Variants in ANK3 observed in about 807,000 individuals in gnomAD.
ANK3 encodes ankyrin-3.
ANK3 carries 57 observed loss-of-function variants against 370.9 expected under a neutral mutation model. That is an observed-to-expected ratio of 0.15 (90% CI 0.12 to 0.19). The LOEUF (loss-of-function observed/expected upper bound fraction) is 0.19, where lower values mean the gene tolerates loss of function less well. ANK3 is among the 10% of genes least tolerant of loss of function. The probability of loss-of-function intolerance (pLI) is 1.00; values close to 1 mark genes in which losing one functional copy is unlikely to be tolerated. For missense variants in ANK3, 4,439 were observed against 5,302.1 expected (o/e 0.84, Z 5.06); for synonymous variants, 1,929 against 1,946.3 (o/e 0.99, Z 0.23).
chr10:60,113,480 G>A (rs978320105), intron 26 of ANK3, among the ~76,000 whole-genome samples: 4 of 152,136 alleles, frequency 2.6e-5, no homozygotes, highest in Admixed American at 2.0e-4. Context: ...AGGCAAAGGC[G>A]GGCAGATTGC....
At chr10:60,424,138 C>T (rs192187142) in intron 2 of ANK3, among the ~76,000 whole-genome samples, 23 of 152,056 alleles carry the variant, frequency 1.5e-4, no homozygotes, top group African/African-American at 5.1e-4. Flanking sequence ...TAAGTTACCC[C>T]TATCTGTGAG....
chr10:60,582,936 G>A (rs949051315), intron 2 of ANK3, among the ~76,000 whole-genome samples: 1 of 152,012 alleles, frequency 6.6e-6, no homozygotes, highest in Non-Finnish European at 1.5e-5. Flanking sequence ...CAGCCATTAT[G>A]GAAGGAGCAA....
intron 2 of ANK3, among the ~76,000 whole-genome samples, chr10:60,489,731 TATGTATCCTGGTTCCACAAAAGC>T (rs1269967254): frequency 1.3e-5 from 2 of 152,212 alleles, no homozygotes; most frequent in Non-Finnish European, 1.5e-5. Flanking sequence ...TTAAAATATG[TATGTATCCTGGTTCCACAAAAGC>T]ATGTGCATGC....
At chr10:60,484,620 C>T (rs1190670269) in intron 2 of ANK3, among the ~76,000 whole-genome samples, 5 of 151,920 alleles carry the variant, frequency 3.3e-5, no homozygotes, top group Admixed American at 6.6e-5. Flanking sequence ...CACATAAAGG[C>T]AAAACAGGAA....
At chr10:60,520,043 T>A (rs138937286) in intron 2 of ANK3, among the ~76,000 whole-genome samples, 1 of 152,236 alleles carries the variant, frequency 6.6e-6, no homozygotes, top group East Asian at 1.9e-4. Flanking sequence ...CAAGCTCAGG[T>A]CTGTTGATGT....
At chr10:60,487,029 T>C (rs2075367252) in intron 2 of ANK3, among the ~76,000 whole-genome samples, 1 of 152,170 alleles carries the variant, frequency 6.6e-6, no homozygotes, top group Admixed American at 6.5e-5. Flanking sequence ...TTCCCAAATT[T>C]AATAACACAA....
At chr10:60,299,407 G>A (rs2043218791) in intron 1 of ANK3, among the ~76,000 whole-genome samples, 1 of 152,100 alleles carries the variant, frequency 6.6e-6, no homozygotes, top group Non-Finnish European at 1.5e-5. Flanking sequence ...CCTGATATTA[G>A]AACAAGCAAC....
At chr10:60,301,563 C>A (rs754124407) in intron 1 of ANK3, among the ~76,000 whole-genome samples, 9 of 151,592 alleles carry the variant, frequency 5.9e-5, no homozygotes, top group Non-Finnish European at 1.0e-4. Flanking sequence ...ACAGGGCCCA[C>A]CACCATGTCT....
chr10:60,154,699 G>T (rs1307249427), intron 23 of ANK3, among the ~76,000 whole-genome samples: 2 of 152,084 alleles, frequency 1.3e-5, no homozygotes, highest in African/African-American at 4.8e-5. Flanking sequence ...GGAGGCTGAG[G>T]CAGGAGAATC....
chr10:60,214,065 T>C (rs1216757619), intron 8 of ANK3, among the ~76,000 whole-genome samples: 1 of 152,148 alleles, frequency 6.6e-6, no homozygotes, highest in Non-Finnish European at 1.5e-5. Context: ...ACTGGATTAT[T>C]ATAATTATTT....
intron 2 of ANK3, among the ~76,000 whole-genome samples, chr10:60,457,435 T>G (rs1218483738): frequency 1.3e-5 from 2 of 152,130 alleles, no homozygotes; most frequent in Admixed American, 6.5e-5. Flanking sequence ...TGAAGTCAGG[T>G]AGAACAGAAG....
At chr10:60,274,501 A>T (rs2098054735) in intron 4 of ANK3, among the ~76,000 whole-genome samples, 1 of 152,102 alleles carries the variant, frequency 6.6e-6, no homozygotes, top group Non-Finnish European at 1.5e-5. Flanking sequence ...CTTGTCCTGG[A>T]TGGACTGAGA....
In ANK3 at chr10:60,090,972, T is replaced by C. The variant is rs1291951837; in HGVS notation, c.3329-2614A>G. Among the ~76,000 whole-genome samples the C allele has an allele frequency of 3.9e-5, 6 of 152,370 alleles. No homozygotes were observed. The East Asian group carries it at 1.2e-3, about 29-fold the overall frequency. On this transcript the variant is annotated intron_variant, in intron 28 of 43. Coordinates refer to ENST00000280772, the MANE Select transcript of ANK3 (RefSeq NM_020987.5). The stretch of plus-strand genomic sequence containing the variant: ...CGCCCACGAGTGCAATGGCACGATC[T>C]CGGCTCACTGCAACCTCTGCCTTCC...
intron 2 of ANK3, among the ~76,000 whole-genome samples, chr10:60,425,853 G>C (rs188914719): frequency 7.2e-5 from 11 of 152,210 alleles, no homozygotes; most frequent in African/African-American, 2.4e-4. Flanking sequence ...TCAGTTACCA[G>C]AGGATTAAAT....
intron 8 of ANK3, among the ~76,000 whole-genome samples, chr10:60,233,676 A>G (rs1455224156): frequency 6.6e-6 from 1 of 152,088 alleles, no homozygotes; most frequent in Non-Finnish European, 1.5e-5. Context: ...GACTCACGTG[A>G]TCCTCCTGCC....
At chr10:60,063,675 C>G (rs909097461) in intron 39 of ANK3, among the ~76,000 whole-genome samples, 120 of 152,152 alleles carry the variant, frequency 7.9e-4, no homozygotes, top group African/African-American at 2.7e-3. Flanking sequence ...TTGGCACTTG[C>G]CAAAATATAG....
intron 1 of ANK3, among the ~76,000 whole-genome samples, chr10:60,727,132 C>T (rs2079952433): frequency 6.6e-6 from 1 of 152,020 alleles, no homozygotes; most frequent in African/African-American, 2.4e-5. Context: ...CATACCCCCG[C>T]CCCAAGCAAA....
At chr10:60,351,230 T>C (rs2056799289) in intron 1 of ANK3, among the ~76,000 whole-genome samples, 1 of 152,312 alleles carries the variant, frequency 6.6e-6, no homozygotes, top group East Asian at 1.9e-4. Context: ...AGCATTTAAA[T>C]AGAGAAGATC....
At chr10:60,057,131 A>C (rs2079353577) in intron 41 of ANK3, among the ~76,000 whole-genome samples, 1 of 152,140 alleles carries the variant, frequency 6.6e-6, no homozygotes, top group Non-Finnish European at 1.5e-5. Flanking sequence ...TCCAACTCTA[A>C]TACCTTTACT....
Sources: gnomAD v4.1 joint callset for allele counts (sites outside exome capture counted in the v4.1 genomes callset) on GRCh38, gnomAD v4.1.1 for gene constraint, MANE v1.5 for transcripts, NCBI Gene and HGNC (gene_info 2026-07-23, HGNC 2026-07-21) for gene names.